The following RBFOX1 variants were observed in gnomAD, a reference collection of about 807,000 sequenced individuals.
The protein encoded by RBFOX1 is RNA binding protein fox-1 homolog 1.
RBFOX1 carries 8 observed loss-of-function variants against 57.7 expected under a neutral mutation model. That is an observed-to-expected ratio of 0.14 (90% CI 0.08 to 0.25). RBFOX1 has a LOEUF of 0.25. Among genes scored for constraint, RBFOX1 ranks in the 10% least tolerant of loss-of-function variants. The probability of loss-of-function intolerance (pLI) is 1.00; values close to 1 mark genes in which losing one functional copy is unlikely to be tolerated. For missense variants in RBFOX1, 611 were observed against 548.5 expected (o/e 1.11, Z -1.14); for synonymous variants, 326 against 222.4 (o/e 1.47, Z -4.15).
intron 1 of RBFOX1, among the ~76,000 whole-genome samples, chr16:6,165,820 A>G (rs2096912934): frequency 6.6e-6 from 1 of 152,222 alleles, no homozygotes; most frequent in African/African-American, 2.4e-5. Context: ...TGATCACTCA[A>G]CTGTGGAAGG....
intron 3 of RBFOX1, among the ~76,000 whole-genome samples, chr16:5,644,219 A>G (rs886151222): frequency 2.0e-5 from 3 of 152,182 alleles, no homozygotes; most frequent in Non-Finnish European, 4.4e-5. Context: ...TTTCCTTTAA[A>G]AAAAGTAAAT....
chr16:6,131,927 C>T (rs977878078), intron 1 of RBFOX1, among the ~76,000 whole-genome samples: 1 of 152,182 alleles, frequency 6.6e-6, no homozygotes, highest in African/African-American at 2.4e-5. Context: ...GTATGCACGT[C>T]TGGCGGATAA....
At chr16:5,824,697 T>C (rs2055975495) in intron 3 of RBFOX1, among the ~76,000 whole-genome samples, 1 of 152,354 alleles carries the variant, frequency 6.6e-6, no homozygotes, top group African/African-American at 2.4e-5. Context: ...TTGCAGGGCA[T>C]CTGAGGCCTC....
At chr16:5,963,118 T>G (rs1477524857) in intron 4 of RBFOX1, among the ~76,000 whole-genome samples, 1 of 152,222 alleles carries the variant, frequency 6.6e-6, no homozygotes, top group Non-Finnish European at 1.5e-5. Context: ...AACTGTAGCT[T>G]TAAAAAGACT....
At chr16:7,229,253 G>C (rs925884891) in intron 4 of RBFOX1, among the ~76,000 whole-genome samples, 5 of 152,222 alleles carry the variant, frequency 3.3e-5, no homozygotes, top group African/African-American at 1.2e-4. Flanking sequence ...AGACACTGAA[G>C]TATTTTATGA....
At chr16:7,579,101 GCAAA>G (rs1270862202) in intron 5 of RBFOX1, among the ~76,000 whole-genome samples, 1 of 152,172 alleles carries the variant, frequency 6.6e-6, no homozygotes, top group East Asian at 1.9e-4. Flanking sequence ...TGCAGCTAAT[GCAAA>G]CAAAGTTAAA....
chr16:7,463,519 G>A (rs2059949815), intron 4 of RBFOX1, among the ~76,000 whole-genome samples: 2 of 151,882 alleles, frequency 1.3e-5, no homozygotes, highest in African/African-American at 4.8e-5. Flanking sequence ...AACAAAAAAA[G>A]GTACAAATCC....
intron 4 of RBFOX1, among the ~76,000 whole-genome samples, chr16:7,367,780 A>G (rs2147101793): frequency 6.6e-6 from 1 of 152,236 alleles, no homozygotes; most frequent in South Asian, 2.1e-4. Context: ...AGATTTTCTG[A>G]TATTTCAAAA....
At chr16:6,339,268 C>A (rs767787268) in intron 2 of RBFOX1, among the ~76,000 whole-genome samples, 3 of 152,150 alleles carry the variant, frequency 2.0e-5, no homozygotes, top group African/African-American at 7.2e-5. Context: ...CAGGGAAATG[C>A]CAAGCAACCC....
At chr16:7,214,992 A>G (rs962680274) in intron 4 of RBFOX1, among the ~76,000 whole-genome samples, 1 of 152,124 alleles carries the variant, frequency 6.6e-6, no homozygotes, top group African/African-American at 2.4e-5. Context: ...GCACCTATCA[A>G]CCCATCATCT....
At chr16:6,260,948 G>C in intron 1 of RBFOX1, among the ~76,000 whole-genome samples, 1 of 152,184 alleles carries the variant, frequency 6.6e-6, no homozygotes, top group East Asian at 1.9e-4. Flanking sequence ...ATGTTGCTGA[G>C]AAGGAGAGTA....
intron 4 of RBFOX1, among the ~76,000 whole-genome samples, chr16:7,492,364 A>C (rs1169308989): frequency 2.0e-5 from 3 of 152,106 alleles, no homozygotes; most frequent in Admixed American, 6.5e-5. Flanking sequence ...TGATGTGGTG[A>C]TTGTATTTAA....
At chr16:6,198,534 T>A (rs1363365635) in intron 1 of RBFOX1, among the ~76,000 whole-genome samples, 1 of 152,210 alleles carries the variant, frequency 6.6e-6, no homozygotes, top group East Asian at 1.9e-4. Context: ...ACCTTGAGCA[T>A]GTCAGTAACC....
intron 3 of RBFOX1, among the ~76,000 whole-genome samples, chr16:6,831,495 C>T (rs1028494857): frequency 7.9e-5 from 12 of 152,132 alleles, no homozygotes; most frequent in Non-Finnish European, 1.5e-4. Flanking sequence ...ATTTACTTAG[C>T]CTAATATATT....
At position 6,730,379 on chromosome 16, in the gene RBFOX1, T is replaced by C. The variant is rs188038600; in HGVS notation, c.-16+75729T>C. 2.5e-4 allele frequency among the ~76,000 whole-genome samples: 36 copies of C among 141,728 alleles called. 1 individual carries two copies. In the East Asian group the frequency reaches 8.1e-3, roughly 32 times the overall value. The allele number at this position is 141,728 out of a possible 152,430, so 93.0% of individuals were successfully genotyped here. On this transcript the variant is annotated intron_variant, in intron 3 of 15. Coordinates refer to ENST00000550418, the MANE Select transcript of RBFOX1 (RefSeq NM_018723.4). ...AAGCAGTAAGCATGTGGAATCTCTC[T>C]CTCTCTGTCTCTATCATCTGTGCAT...
At chr16:5,916,054 T>C (rs188560581) in intron 4 of RBFOX1, among the ~76,000 whole-genome samples, 3 of 152,186 alleles carry the variant, frequency 2.0e-5, no homozygotes, top group East Asian at 1.9e-4. Context: ...AGCTATAAGA[T>C]TGGATTGTGC....
chr16:6,639,474 C>A (rs76206161), intron 2 of RBFOX1, among the ~76,000 whole-genome samples: 2 of 151,770 alleles, frequency 1.3e-5, no homozygotes, highest in Non-Finnish European at 2.9e-5. Context: ...AGTAATGACC[C>A]GGAGGAATTA....
chr16:7,232,282 C>G (rs1046364709), intron 4 of RBFOX1, among the ~76,000 whole-genome samples: 1 of 152,074 alleles, frequency 6.6e-6, no homozygotes, highest in Non-Finnish European at 1.5e-5. Context: ...GGTTAACAAC[C>G]ACCACAACAA....
chr16:6,210,358 C>CAAAAAAAAAA (rs1567684381), intron 1 of RBFOX1, among the ~76,000 whole-genome samples: 1 of 96,680 alleles, frequency 1.0e-5, no homozygotes, highest in Non-Finnish European at 2.0e-5. Flanking sequence ...AAAAAAAAAA[C>CAAAAAAAAAA]ACCAAAAAAA....
Sources: gnomAD v4.1 joint callset for allele counts (sites outside exome capture counted in the v4.1 genomes callset) on GRCh38, gnomAD v4.1.1 for gene constraint, MANE v1.5 for transcripts, NCBI Gene and HGNC (gene_info 2026-07-23, HGNC 2026-07-21) for gene names.